Variants in KIF26B observed in about 807,000 individuals in gnomAD.
KIF26B encodes kinesin family member 26B.
KIF26B carries 63 observed loss-of-function variants against 151.2 expected under a neutral mutation model. The ratio of observed to expected loss-of-function variants is 0.42; its 90% confidence interval spans 0.34 to 0.51. KIF26B has a LOEUF of 0.51. Among genes scored for constraint, KIF26B ranks in the 20% least tolerant of loss-of-function variants. KIF26B has a pLI of 0.07. For missense variants in KIF26B, 2,813 were observed against 2,913.6 expected (o/e 0.97, Z 0.79); for synonymous variants, 1,357 against 1,262.1 (o/e 1.08, Z -1.59).
rs759932260 is a variant in KIF26B at position 245,684,337 on chromosome 1, C to A, written c.2363C>A (p.Thr788Asn). ...ISAAVGSYAE[T>N]LSTIQIASRV... ...GCCGCGGTCGGGAGCTACGCGGAGACCCTGTCCACCATCCAGATTGCATCG... is the reference window on the plus strand; with the variant it reads ...GCCGCGGTCGGGAGCTACGCGGAGAACCTGTCCACCATCCAGATTGCATCG... Residue 788 changes from threonine to asparagine, a missense_variant, in exon 11 of 15, where the codon ACC (threonine) becomes AAC (asparagine). Coordinates refer to ENST00000407071, the MANE Select transcript of KIF26B (RefSeq NM_018012.4). The A allele has an allele frequency of 5.6e-6, 9 of 1,613,896 alleles. No homozygotes were observed. The South Asian group carries it at 8.8e-5, about 16-fold the overall frequency.
chr1:245,650,859 G>A (rs974219084), intron 10 of KIF26B, among the ~76,000 whole-genome samples: 27 of 152,182 alleles, frequency 1.8e-4, no homozygotes, highest in African/African-American at 6.0e-4. Context: ...CTTGAAAAAT[G>A]GTGCTACATA....
chr1:245,509,420 C>T (rs565222912), intron 4 of KIF26B, among the ~76,000 whole-genome samples: 11 of 152,284 alleles, frequency 7.2e-5, no homozygotes, highest in South Asian at 6.2e-4. Flanking sequence ...CAGCATAGCA[C>T]GTGTAGTGAT....
chr1:245,437,087 A>G (rs973472365), intron 4 of KIF26B, among the ~76,000 whole-genome samples: 8 of 152,064 alleles, frequency 5.3e-5, no homozygotes, highest in African/African-American at 1.7e-4. Context: ...GGATTCCGCC[A>G]TGTTGCCCAG....
chr1:245,530,817 A>T (rs1661342389), intron 4 of KIF26B, among the ~76,000 whole-genome samples: 1 of 152,240 alleles, frequency 6.6e-6, no homozygotes, highest in South Asian at 2.1e-4. Context: ...ACTCTAATAC[A>T]GAGCAGCTGC....
chr1:245,627,743 A>G (rs1054510204), intron 9 of KIF26B, among the ~76,000 whole-genome samples: 26 of 152,170 alleles, frequency 1.7e-4, no homozygotes, highest in Non-Finnish European at 3.2e-4. Context: ...CACTAGACTA[A>G]TAAAGAAGAA....
At position 245,667,210 on chromosome 1, in the gene KIF26B, A is replaced by C. The variant is rs899044344; in HGVS notation, c.2259-17023A>C. On this transcript the variant is annotated intron_variant, in intron 10 of 14. Transcript: ENST00000407071. This position sits in a 1 kb window ranked among gnomAD's most constrained non-coding sequence, Gnocchi z 4.3. ...TTTTCTTTCTTTCTTTTTTTGAAAC[A>C]CTCTGCCCAGGCTGGAGTGCAGTGG... Among the ~76,000 whole-genome samples the C allele has an allele frequency of 6.6e-6, 1 of 151,710 alleles. No homozygotes were observed. Among genetic ancestry groups the C allele is most frequent in the African/African-American group, 2.4e-5 (1 of 41,286 alleles).
At chr1:245,612,081 T>TGA in intron 9 of KIF26B, 105 bp downstream of exon 9, 1 of 692,266 alleles carries the variant, frequency 1.4e-6, no homozygotes, top group Non-Finnish European at 2.4e-6. Context: ...TGTGTGTGTG[T>TGA]GTGTGTGTGT....
intron 3 of KIF26B, among the ~76,000 whole-genome samples, chr1:245,406,944 C>T (rs561453548): frequency 5.0e-4 from 76 of 152,086 alleles, no homozygotes; most frequent in East Asian, 3.9e-4. Context: ...CGCACCACCA[C>T]GCCTGGCTAA....
At position 245,507,318 on chromosome 1, in the gene KIF26B, C is replaced by T. The variant is rs528070292; in HGVS notation, c.1167-33449C>T. Among the ~76,000 whole-genome samples, 10 of 152,262 alleles carry T rather than the reference C, an allele frequency of 6.6e-5. No homozygotes were observed. In the South Asian group the frequency reaches 1.2e-3, roughly 19 times the overall value. ...AGGATGTTTACTGGAAATCCACACC[C>T]GTAGAAACCAGGAGGATGCAGGATT... On this transcript the variant is annotated intron_variant, in intron 4 of 14. Transcript: ENST00000407071.
At chr1:245,623,795 A>G (rs1398020447) in intron 9 of KIF26B, among the ~76,000 whole-genome samples, 1 of 152,230 alleles carries the variant, frequency 6.6e-6, no homozygotes, top group Non-Finnish European at 1.5e-5. Context: ...AAGATATGTC[A>G]TTAGATATAT....
At chr1:245,176,945 T>C (rs1668819146) in intron 2 of KIF26B, among the ~76,000 whole-genome samples, 1 of 152,198 alleles carries the variant, frequency 6.6e-6, no homozygotes. Flanking sequence ...GGCCATTCCC[T>C]TTATTTTTAA....
At chr1:245,561,952 T>G (rs994056977) in intron 5 of KIF26B, among the ~76,000 whole-genome samples, 3 of 152,122 alleles carry the variant, frequency 2.0e-5, no homozygotes, top group African/African-American at 7.2e-5. Flanking sequence ...TTCTGTGGCC[T>G]GATTTTCTTG....
chr1:245,655,791 G>C (rs986471442), intron 10 of KIF26B, among the ~76,000 whole-genome samples: 2 of 152,232 alleles, frequency 1.3e-5, no homozygotes, highest in African/African-American at 4.8e-5. Flanking sequence ...TAATGCTGGA[G>C]TAAAACTTGT....
At chr1:245,482,647 G>T (rs1243998198) in intron 4 of KIF26B, among the ~76,000 whole-genome samples, 1 of 151,764 alleles carries the variant, frequency 6.6e-6, no homozygotes, top group East Asian at 1.9e-4. Context: ...GTAGGAGAGG[G>T]TTGGGAAGGG....
chr1:245,482,631 A>C (rs913360008), intron 4 of KIF26B, among the ~76,000 whole-genome samples: 4 of 151,862 alleles, frequency 2.6e-5, no homozygotes, highest in Non-Finnish European at 4.4e-5. Flanking sequence ...GCGAGGGCAC[A>C]GCTGGGTAGG....
intron 2 of KIF26B, among the ~76,000 whole-genome samples, chr1:245,175,053 G>A (rs1272489351): frequency 1.3e-5 from 2 of 152,216 alleles, no homozygotes; most frequent in Non-Finnish European, 2.9e-5. Context: ...TCTCCTGGGG[G>A]CCCATTGCTC....
In KIF26B at chr1:245,223,667, A is replaced by C. The variant is rs568114440; in HGVS notation, c.465+66984A>C. ...CTTTGTCTGAGACTTCTTTCACTCC[A>C]TAGCACAGCAGTTCTGCAAGTGTGT... On this transcript the variant is annotated intron_variant, in intron 2 of 14. Coordinates refer to ENST00000407071, the MANE Select transcript of KIF26B (RefSeq NM_018012.4). 3.0e-3 allele frequency among the ~76,000 whole-genome samples: 458 copies of C among 152,346 alleles called. 2 individuals carry two copies. The highest frequency in any genetic ancestry group is 5.1e-3 in the Non-Finnish European group (347 of 68,028).
intron 5 of KIF26B, among the ~76,000 whole-genome samples, chr1:245,547,585 CAAAAAAA>C (rs56218217): frequency 1.2e-4 from 14 of 114,612 alleles, no homozygotes; most frequent in Admixed American, 1.0e-4. Flanking sequence ...GACTCCATCT[CAAAAAAA>C]AAAAAAAAAA....
chr1:245,365,214 C>T (rs143192522), intron 2 of KIF26B, among the ~76,000 whole-genome samples: 2 of 152,150 alleles, frequency 1.3e-5, no homozygotes, highest in African/African-American at 2.4e-5. Flanking sequence ...GAGGACGCCT[C>T]GAGACAGGCC....
Sources: allele counts gnomAD v4.1 joint callset (sites outside exome capture counted in the v4.1 genomes callset), GRCh38; gene constraint gnomAD v4.1.1; non-coding constraint Gnocchi (gnomAD v3.1); transcripts MANE v1.5; gene names NCBI Gene and HGNC (gene_info 2026-07-23, HGNC 2026-07-21).